TASP1: variants seen among roughly 807,000 people sequenced by gnomAD.
The protein encoded by TASP1 is threonine aspartase 1.
Under a neutral mutation model 56.6 loss-of-function variants are expected in TASP1, and 16 were observed. The observed-to-expected ratio is 0.28, with a 90% CI of 0.19 to 0.43. The LOEUF (loss-of-function observed/expected upper bound fraction) is 0.43. TASP1 is among the 20% of genes least tolerant of loss of function. The pLI is 1.00. For synonymous variants in TASP1, 179 were observed against 184.2 expected (o/e 0.97, Z 0.23); for missense variants, 393 against 511.6 (o/e 0.77, Z 2.24).
chr20:13,565,945 C>A lies in TASP1; in HGVS notation c.568+3562G>T, dbSNP rs57131541. On this transcript the variant is annotated intron_variant, in intron 7 of 13. Coordinates refer to ENST00000337743, the MANE Select transcript of TASP1 (RefSeq NM_017714.3). ...GACAACCAAAAGGTAGTGTAACCCACGTATTCATCAGTGGATGAGTAGATA... is the reference window on the plus strand; with the variant it reads ...GACAACCAAAAGGTAGTGTAACCCAAGTATTCATCAGTGGATGAGTAGATA... Among the ~76,000 whole-genome samples the A allele has an allele frequency of 3.3e-5, 5 of 152,164 alleles. No individual in the cohort carries two copies. In the South Asian group the frequency reaches 1.0e-3, roughly 32 times the overall value.
the TASP1 span, among the ~76,000 whole-genome samples, chr20:13,191,069 A>G: frequency 6.6e-6 from 1 of 152,148 alleles, no homozygotes. Context: ...CTGTTAAATT[A>G]TGAAAATTAC....
At chr20:13,287,570 C>T in the TASP1 span, among the ~76,000 whole-genome samples, 3 of 152,198 alleles carry the variant, frequency 2.0e-5, no homozygotes, top group Middle Eastern at 3.2e-3. Context: ...CAATTTCTAA[C>T]ATGCCATCTA....
the TASP1 span, among the ~76,000 whole-genome samples, chr20:13,326,071 C>T: frequency 6.6e-6 from 1 of 152,154 alleles, no homozygotes; most frequent in Non-Finnish European, 1.5e-5. Flanking sequence ...CAGTGTGTTA[C>T]CTTTTTGTGA....
intron 13 of TASP1, among the ~76,000 whole-genome samples, chr20:13,417,045 G>C (rs2042279127): frequency 6.6e-6 from 1 of 152,192 alleles, no homozygotes; most frequent in Admixed American, 6.5e-5. Flanking sequence ...ATGCTTTCTA[G>C]GGTTAAAGCT....
the TASP1 span, among the ~76,000 whole-genome samples, chr20:13,156,879 T>C: frequency 1.3e-5 from 2 of 152,154 alleles, no homozygotes; most frequent in Non-Finnish European, 2.9e-5. Flanking sequence ...CAATTTTTGG[T>C]TGCATTACTC....
At chr20:13,555,358 T>G (rs918159694) in intron 8 of TASP1, among the ~76,000 whole-genome samples, 4 of 122,496 alleles carry the variant, frequency 3.3e-5, no homozygotes, top group Admixed American at 1.1e-4. Context: ...CACTCCAGCC[T>G]GAGCAACAGA....
At chr20:13,505,237 C>T (rs1210442005) in intron 10 of TASP1, among the ~76,000 whole-genome samples, 1 of 152,094 alleles carries the variant, frequency 6.6e-6, no homozygotes, top group Non-Finnish European at 1.5e-5. Context: ...ATTGTAAATA[C>T]ATATGTACCC....
chr20:13,231,706 C>T, the TASP1 span, among the ~76,000 whole-genome samples: 2,160 of 152,286 alleles, frequency 0.014, 50 homozygotes, highest in African/African-American at 0.049. Context: ...CTATGGCTGA[C>T]ACACATCCAT....
chr20:13,561,878 C>CA (rs78221547), intron 7 of TASP1, among the ~76,000 whole-genome samples: 51,320 of 149,540 alleles, frequency 0.34, 9,219 homozygotes, highest in Non-Finnish European at 0.4. Flanking sequence ...ATTGTAACCA[C>CA]AAAAAAAAAT....
chr20:13,589,865 A>G (rs1968377763), intron 4 of TASP1, among the ~76,000 whole-genome samples: 1 of 152,234 alleles, frequency 6.6e-6, no homozygotes, highest in Non-Finnish European at 1.5e-5. Context: ...TGTTCATGCC[A>G]TTGTACTCTA....
intron 4 of TASP1, 36 bp from the exon 5 acceptor site, chr20:13,587,406 T>C: frequency 6.5e-7 from 1 of 1,548,936 alleles, no homozygotes; most frequent in Non-Finnish European, 8.8e-7. Context: ...ATATCATTAG[T>C]CTTAAAAAAA....
chr20:13,232,189 C>G, the TASP1 span, among the ~76,000 whole-genome samples: 1 of 152,090 alleles, frequency 6.6e-6, no homozygotes, highest in Non-Finnish European at 1.5e-5. Context: ...CAATTGACAA[C>G]TAATAAACTG....
At chr20:13,334,573 C>G in the TASP1 span, among the ~76,000 whole-genome samples, 1 of 152,108 alleles carries the variant, frequency 6.6e-6, no homozygotes, top group African/African-American at 2.4e-5. Context: ...ACTAAATAAC[C>G]AAGATTATTA....
the TASP1 span, among the ~76,000 whole-genome samples, chr20:13,219,458 C>G: frequency 6.6e-6 from 1 of 151,762 alleles, no homozygotes; most frequent in East Asian, 1.9e-4. Flanking sequence ...CCCACTCCCC[C>G]CGACCCGCAC....
the TASP1 span, among the ~76,000 whole-genome samples, chr20:13,218,402 T>C: frequency 6.6e-6 from 1 of 152,082 alleles, no homozygotes; most frequent in Non-Finnish European, 1.5e-5. Context: ...AAATGTCTCA[T>C]AGCCATGAAC....
At chr20:13,528,202 A>G (rs1209787939) in intron 10 of TASP1, among the ~76,000 whole-genome samples, 1 of 139,152 alleles carries the variant, frequency 7.2e-6, no homozygotes, top group Non-Finnish European at 1.5e-5. Flanking sequence ...GCATGGGGAC[A>G]GAGTGAGACT....
the TASP1 span, among the ~76,000 whole-genome samples, chr20:13,335,931 T>C: frequency 1.1e-3 from 173 of 151,754 alleles, no homozygotes; most frequent in Admixed American, 1.9e-3. Context: ...TGCAAGAAAA[T>C]TTTCCCGGAA....
At chr20:13,429,346 C>G (rs1031206525) in intron 12 of TASP1, among the ~76,000 whole-genome samples, 2 of 151,832 alleles carry the variant, frequency 1.3e-5, no homozygotes, top group South Asian at 2.1e-4. Context: ...CAAGTTATTG[C>G]GGGAAAAAAA....
chr20:13,170,622 T>A, the TASP1 span, among the ~76,000 whole-genome samples: 15 of 152,348 alleles, frequency 9.8e-5, no homozygotes, highest in East Asian at 2.9e-3. Context: ...GCGCTCCCTT[T>A]TATTCAGCCC....
Sources: allele counts gnomAD v4.1 joint callset (sites outside exome capture counted in the v4.1 genomes callset), GRCh38; gene constraint gnomAD v4.1.1; transcripts MANE v1.5; gene names NCBI Gene and HGNC (gene_info 2026-07-23, HGNC 2026-07-21).